ADAMTS18: variants seen among roughly 807,000 people sequenced by gnomAD.
The protein encoded by ADAMTS18 is ADAM metallopeptidase with thrombospondin type 1 motif 18.
ADAMTS18 carries 157 observed loss-of-function variants against 165.9 expected under a neutral mutation model. The ratio of observed to expected loss-of-function variants is 0.95; its 90% CI spans 0.83 to 1.08. ADAMTS18 has a LOEUF of 1.08. Ranked by LOEUF, ADAMTS18 falls within the 50% of genes least tolerant of loss-of-function variation. The probability of loss-of-function intolerance (pLI) is 0.00; values close to 1 mark genes in which losing one functional copy is unlikely to be tolerated. For synonymous variants in ADAMTS18, 782 were observed against 578.2 expected, an observed-to-expected ratio of 1.35 and a Z score of -5.06; for missense variants, 2,040 against 1,534.0, an observed-to-expected ratio of 1.33 and a Z score of -5.51.
At chr16:77,360,270 A>C (rs1256890029) in intron 7 of ADAMTS18, among the ~76,000 whole-genome samples, 2 of 152,208 alleles carry the variant, frequency 1.3e-5, no homozygotes, top group African/African-American at 2.4e-5. Flanking sequence ...AATGGTTGCA[A>C]ATTCACACAC....
intron 3 of ADAMTS18, among the ~76,000 whole-genome samples, chr16:77,418,039 G>T (rs1160348920): frequency 6.6e-6 from 1 of 152,150 alleles, no homozygotes; most frequent in Non-Finnish European, 1.5e-5. Flanking sequence ...ATGCAAGGGT[G>T]AATTTTATTA....
intron 16 of ADAMTS18, 113 bp from the exon 17 acceptor site, chr16:77,300,517 G>C: frequency 8.3e-7 from 1 of 1,206,320 alleles, no homozygotes; most frequent in South Asian, 1.2e-5. Context: ...CCTTAACATT[G>C]GTATACTTCA....
At chr16:77,365,581 G>A (rs574428184) in intron 4 of ADAMTS18, among the ~76,000 whole-genome samples, 23 of 152,334 alleles carry the variant, frequency 1.5e-4, no homozygotes, top group African/African-American at 5.3e-4. Flanking sequence ...CAAGTTAACA[G>A]AATGGATACT....
chr16:77,348,257 G>T (rs1395030012), intron 10 of ADAMTS18, among the ~76,000 whole-genome samples: 2 of 152,092 alleles, frequency 1.3e-5, no homozygotes, highest in East Asian at 3.8e-4. Flanking sequence ...TGGAGTCCAA[G>T]AAATGGAAAT....
intron 3 of ADAMTS18, among the ~76,000 whole-genome samples, chr16:77,382,206 T>A (rs986815886): frequency 1.3e-5 from 2 of 149,848 alleles, no homozygotes; most frequent in African/African-American, 2.4e-5. Context: ...TTTGGTTTTT[T>A]GTTTGTTTGT....
rs1387261588 is a variant in ADAMTS18 at position 77,293,245 on chromosome 16, C to T, written c.3020G>A (p.Cys1007Tyr). 6.2e-7 allele frequency: 1 copy of T among 1,613,510 alleles called. No individual in the cohort carries two copies. Among genetic ancestry groups the T allele is most frequent in the African/African-American group, 1.3e-5 (1 of 74,740 alleles). Reference protein sequence around the residue: ...LGPWSQCSKTCGRGVRKRELL... With the variant: ...LGPWSQCSKTYGRGVRKRELL... The stretch of plus-strand genomic sequence containing the variant: ...TTCACGCTTCCTCACCCCTCGTCCA[C>T]AGGTCTTGGAACACTTGAGAAGACA... Residue 1007 changes from cysteine (C) to tyrosine (Y), a missense_variant, in exon 20 of 23, where the codon TGT becomes TAT. Cys to Tyr is a radical substitution (Grantham distance 194). Coordinates refer to ENST00000282849, the MANE Select transcript of ADAMTS18 (RefSeq NM_199355.4).
intron 16 of ADAMTS18, among the ~76,000 whole-genome samples, chr16:77,309,024 T>A (rs556388947): frequency 2.6e-5 from 4 of 152,366 alleles, no homozygotes; most frequent in African/African-American, 9.6e-5. Flanking sequence ...TTAAATCTTC[T>A]GGATGACTAA....
intron 3 of ADAMTS18, among the ~76,000 whole-genome samples, chr16:77,430,919 TAC>T (rs1388932256): frequency 6.6e-6 from 1 of 152,158 alleles, no homozygotes; most frequent in Non-Finnish European, 1.5e-5. Context: ...CGCATTGAAA[TAC>T]AGTTTTCCCA....
intron 16 of ADAMTS18, among the ~76,000 whole-genome samples, chr16:77,310,924 A>G (rs1393946095): frequency 6.6e-6 from 1 of 152,186 alleles, no homozygotes; most frequent in East Asian, 1.9e-4. Context: ...CTGATTGTGC[A>G]TCTCCAATAT....
At chr16:77,301,360 C>G (rs2055579456) in intron 16 of ADAMTS18, among the ~76,000 whole-genome samples, 2 of 151,972 alleles carry the variant, frequency 1.3e-5, no homozygotes, top group Non-Finnish European at 1.5e-5. Flanking sequence ...AGCCACCAAC[C>G]AAAATGTGCC....
chr16:77,398,516 A>T (rs2057287707), intron 3 of ADAMTS18, among the ~76,000 whole-genome samples: 1 of 152,110 alleles, frequency 6.6e-6, no homozygotes, highest in Non-Finnish European at 1.5e-5. Context: ...GCAACCCACC[A>T]CCTTTGCAAC....
intron 3 of ADAMTS18, among the ~76,000 whole-genome samples, chr16:77,425,227 G>C (rs1457052307): frequency 6.6e-6 from 1 of 152,176 alleles, no homozygotes; most frequent in Non-Finnish European, 1.5e-5. Context: ...CCAGCCATGG[G>C]GGAGAAACGC....
Position 77,434,692 on chromosome 16 carries a change from C to A in ADAMTS18, c.4G>T (p.Glu2Ter). The A allele has an allele frequency of 2.0e-6, 3 of 1,466,952 alleles. No individual in the cohort carries two copies. Among genetic ancestry groups the A allele is most frequent in the Non-Finnish European group, 1.8e-6 (2 of 1,114,810 alleles). 90.9% of individuals were successfully genotyped at this position (1,466,952 alleles called of 1,614,324 possible). M[E>*]CALLLACAFP... ...GCACACGCGAGCAGGAGGGCGCACT[C>A]CATGGTCAGGTGCGGACGCGGCGGC... The change falls in exon 1 of 23, where the codon GAG (glutamate) becomes TAG (stop). Residue 2 changes from glutamate (E) to a stop codon, truncating the protein, a stop_gained. Transcript: ENST00000282849. LOFTEE classifies it high-confidence loss of function.
chr16:77,351,328 T>G (rs1199934268), intron 10 of ADAMTS18, among the ~76,000 whole-genome samples: 1 of 152,186 alleles, frequency 6.6e-6, no homozygotes, highest in African/African-American at 2.4e-5. Flanking sequence ...TTTTGGAATT[T>G]TCATTTCTCT....
At chr16:77,300,194 G>C in intron 17 of ADAMTS18, 69 bp downstream of exon 17, 4 of 1,582,546 alleles carry the variant, frequency 2.5e-6, no homozygotes, top group Middle Eastern at 1.7e-4. Context: ...TTATGTTAAA[G>C]ACGCCTGGAG....
At chr16:77,345,261 A>C (rs1353575118) in intron 10 of ADAMTS18, among the ~76,000 whole-genome samples, 1 of 152,178 alleles carries the variant, frequency 6.6e-6, no homozygotes, top group African/African-American at 2.4e-5. Context: ...CATCCAAAAT[A>C]AAAGTTCTTC....
chr16:77,428,638 T>C (rs901754753), intron 3 of ADAMTS18, among the ~76,000 whole-genome samples: 5 of 152,124 alleles, frequency 3.3e-5, no homozygotes, highest in Non-Finnish European at 5.9e-5. Context: ...AAGCTGAACA[T>C]ATACAAGTTG....
chr16:77,288,843 G>C (rs2055306025), intron 22 of ADAMTS18, among the ~76,000 whole-genome samples: 1 of 152,164 alleles, frequency 6.6e-6, no homozygotes, highest in Non-Finnish European at 1.5e-5. Context: ...CTGGGCATGT[G>C]GCTTGTGACA....
chr16:77,298,466 G>T (rs1226787141), intron 17 of ADAMTS18, among the ~76,000 whole-genome samples: 1 of 152,146 alleles, frequency 6.6e-6, no homozygotes, highest in Non-Finnish European at 1.5e-5. Flanking sequence ...TCCTGGGGCT[G>T]AAGCAGGTTT....
Sources: allele counts gnomAD v4.1 joint callset (sites outside exome capture counted in the v4.1 genomes callset), GRCh38; gene constraint gnomAD v4.1.1; transcripts MANE v1.5; gene names NCBI Gene and HGNC (gene_info 2026-07-23, HGNC 2026-07-21).